RBFOX1: variants seen among roughly 807,000 people sequenced by gnomAD.
RBFOX1 encodes the protein RNA binding protein fox-1 homolog 1.
RBFOX1 carries 8 observed loss-of-function variants against 57.7 expected under a neutral mutation model. The ratio of observed to expected loss-of-function variants is 0.14; its 90% CI spans 0.08 to 0.25. The LOEUF (loss-of-function observed/expected upper bound fraction) is 0.25. Among genes scored for constraint, RBFOX1 ranks in the 10% least tolerant of loss-of-function variants. The pLI, the probability that RBFOX1 is intolerant of heterozygous loss-of-function variation, is 1.00. For missense variants in RBFOX1, 611 were observed against 548.5 expected (o/e 1.11, Z -1.14); for synonymous variants, 326 against 222.4 (o/e 1.47, Z -4.15).
chr16:7,236,298 T>C (rs1434435603), intron 4 of RBFOX1, among the ~76,000 whole-genome samples: 1 of 152,234 alleles, frequency 6.6e-6, no homozygotes, highest in Non-Finnish European at 1.5e-5. Context: ...TTTAACACCA[T>C]ATTGTTTCAG....
chr16:7,295,336 G>A (rs2095868225), intron 4 of RBFOX1, among the ~76,000 whole-genome samples: 1 of 152,072 alleles, frequency 6.6e-6, no homozygotes, highest in South Asian at 2.1e-4. Flanking sequence ...TGACTTTGTT[G>A]GTCTCGTTTG....
At chr16:7,268,919 C>T (rs1020583363) in intron 4 of RBFOX1, among the ~76,000 whole-genome samples, 3 of 151,804 alleles carry the variant, frequency 2.0e-5, no homozygotes, top group African/African-American at 4.8e-5. Flanking sequence ...TGCCTGCAAT[C>T]CCAGCTACTC....
At chr16:5,311,997 T>G (rs2064103431) in intron 1 of RBFOX1, among the ~76,000 whole-genome samples, 1 of 152,184 alleles carries the variant, frequency 6.6e-6, no homozygotes, top group African/African-American at 2.4e-5. Flanking sequence ...CATGTTCTAT[T>G]AATGCCTGAA....
intron 1 of RBFOX1, among the ~76,000 whole-genome samples, chr16:5,405,275 A>C (rs1398024968): frequency 6.6e-6 from 1 of 152,222 alleles, no homozygotes; most frequent in Non-Finnish European, 1.5e-5. Context: ...TAGCTCCCAC[A>C]ATTCCTGCAT....
chr16:7,095,798 G>A (rs1400369022), intron 4 of RBFOX1, among the ~76,000 whole-genome samples: 1 of 152,120 alleles, frequency 6.6e-6, no homozygotes, highest in Non-Finnish European at 1.5e-5. Context: ...CGATCATGAG[G>A]TCAGGAGATC....
At chr16:6,164,976 G>A (rs72774547) in intron 1 of RBFOX1, among the ~76,000 whole-genome samples, 14,251 of 152,010 alleles carry the variant, frequency 0.094, 727 homozygotes, top group Admixed American at 0.12. Context: ...AATATGAAAT[G>A]GCATATTATT....
At chr16:6,717,739 CA>C (rs939331331) in intron 3 of RBFOX1, among the ~76,000 whole-genome samples, 3 of 152,038 alleles carry the variant, frequency 2.0e-5, no homozygotes, top group African/African-American at 7.2e-5. Context: ...GCTGCTGTAC[CA>C]GGGATGTGTC....
At chr16:6,536,404 C>T (rs887364013) in intron 2 of RBFOX1, among the ~76,000 whole-genome samples, 1 of 152,160 alleles carries the variant, frequency 6.6e-6, no homozygotes, top group Admixed American at 6.5e-5. Context: ...TAATTTCTGT[C>T]CCCTATTGTC....
chr16:5,750,176 C>T (rs910495687), intron 3 of RBFOX1, among the ~76,000 whole-genome samples: 1 of 152,166 alleles, frequency 6.6e-6, no homozygotes, highest in Non-Finnish European at 1.5e-5. Flanking sequence ...GGCTGCAGAA[C>T]AGCGAATATT....
chr16:7,416,046 C>T (rs547119405), intron 4 of RBFOX1, among the ~76,000 whole-genome samples: 2 of 152,248 alleles, frequency 1.3e-5, no homozygotes, highest in South Asian at 4.1e-4. Flanking sequence ...AGTACTCAGG[C>T]CTCTTTTTCT....
At chr16:5,781,265 G>C (rs2054313780) in intron 3 of RBFOX1, among the ~76,000 whole-genome samples, 1 of 152,170 alleles carries the variant, frequency 6.6e-6, no homozygotes, top group Non-Finnish European at 1.5e-5. Context: ...AAATGGAATT[G>C]TACAGTTTCA....
intron 3 of RBFOX1, among the ~76,000 whole-genome samples, chr16:7,016,158 A>G (rs985261442): frequency 2.6e-5 from 4 of 152,140 alleles, no homozygotes; most frequent in Non-Finnish European, 5.9e-5. Context: ...ACCAGACATG[A>G]CCATCCCTTG....
chr16:7,030,502 G>A (rs2042510080), intron 3 of RBFOX1, among the ~76,000 whole-genome samples: 1 of 152,094 alleles, frequency 6.6e-6, no homozygotes, highest in Non-Finnish European at 1.5e-5. Flanking sequence ...CCTTCCAGTG[G>A]CTCCAGGCGT....
intron 1 of RBFOX1, among the ~76,000 whole-genome samples, chr16:5,287,999 G>C (rs970223760): frequency 6.6e-5 from 10 of 152,218 alleles, no homozygotes; most frequent in African/African-American, 1.9e-4. Flanking sequence ...CTGCAGCCCA[G>C]GCAATGGGGG....
chr16:6,176,978 AT>A (rs1417154823), intron 1 of RBFOX1, among the ~76,000 whole-genome samples: 1 of 152,190 alleles, frequency 6.6e-6, no homozygotes, highest in Non-Finnish European at 1.5e-5. Flanking sequence ...TTGGCGTTGA[AT>A]AAATGGATGG....
chr16:6,229,488 G>A (rs1022325462), intron 1 of RBFOX1, among the ~76,000 whole-genome samples: 1 of 152,100 alleles, frequency 6.6e-6, no homozygotes, highest in Non-Finnish European at 1.5e-5. Flanking sequence ...TGATGTTTGT[G>A]AGCATTAAGT....
intron 1 of RBFOX1, among the ~76,000 whole-genome samples, chr16:6,268,066 G>A (rs2074747547): frequency 3.9e-5 from 6 of 152,190 alleles, no homozygotes; most frequent in Admixed American, 2.6e-4. Flanking sequence ...TGGGCTGAAT[G>A]TATTAATGGC....
intron 1 of RBFOX1, among the ~76,000 whole-genome samples, chr16:6,283,686 G>C (rs1300951287): frequency 6.6e-6 from 1 of 152,140 alleles, no homozygotes; most frequent in Non-Finnish European, 1.5e-5. Flanking sequence ...GGAGTTTCAC[G>C]TTGGCACCCA....
intron 2 of RBFOX1, among the ~76,000 whole-genome samples, chr16:6,550,954 C>G (rs1455891685): frequency 6.6e-6 from 1 of 152,104 alleles, no homozygotes; most frequent in African/African-American, 2.4e-5. Context: ...GCTGTGTTCA[C>G]TTATGGGAAT....
Sources: gnomAD v4.1 joint callset for allele counts (sites outside exome capture counted in the v4.1 genomes callset) on GRCh38, gnomAD v4.1.1 for gene constraint, MANE v1.5 for transcripts, NCBI Gene and HGNC (gene_info 2026-07-23, HGNC 2026-07-21) for gene names.